Variants in CDKL4 observed in about 807,000 individuals in gnomAD.
CDKL4 encodes the protein cyclin-dependent kinase-like 4.
Under a neutral mutation model 42.0 loss-of-function variants are expected in CDKL4, and 44 were observed. The observed-to-expected ratio is 1.05, with a 90% confidence interval of 0.82 to 1.35. The LOEUF (loss-of-function observed/expected upper bound fraction) is 1.35, where lower values mean the gene tolerates loss of function less well. Ranked by LOEUF, CDKL4 falls within the 40% of genes most tolerant of loss-of-function variation. The pLI, the probability that CDKL4 is intolerant of heterozygous loss-of-function variation, is 0.00. For missense variants in CDKL4, 393 were observed against 369.9 expected (o/e 1.06, Z -0.51); for synonymous variants, 120 against 121.6 (o/e 0.99, Z 0.09).
intron 5 of CDKL4, among the ~76,000 whole-genome samples, chr2:39,204,186 G>A (rs1481387156): frequency 6.6e-6 from 1 of 152,220 alleles, no homozygotes; most frequent in East Asian, 1.9e-4. Context: ...CCAGGGAACC[G>A]TCTGCACCTT....
At chr2:39,210,115 G>A (rs759742568) in intron 4 of CDKL4, among the ~76,000 whole-genome samples, 43 of 152,050 alleles carry the variant, frequency 2.8e-4, no homozygotes, top group Non-Finnish European at 3.1e-4. Flanking sequence ...AGCCTGCTGA[G>A]TAGTAGCTGG....
Position 39,187,713 on chromosome 2 carries a change from T to C in CDKL4, c.653-4A>G, listed in dbSNP as rs1675910552. 2.5e-6 allele frequency: 4 copies of C among 1,595,518 alleles called. No homozygotes were observed. Among genetic ancestry groups the C allele is most frequent in the East Asian group, 4.5e-5 (2 of 44,710 alleles). The stretch of plus-strand genomic sequence containing the variant: ...TGATGTCTTGGGATTAATTTTCCTG[T>C]AAAATACAAACCACATAATTCATCA... On this transcript the variant is annotated splice_region_variant and splice_polypyrimidine_tract_variant and intron_variant, in intron 6 of 9. Coordinates refer to ENST00000451199, the Ensembl canonical transcript of CDKL4.
At chr2:39,192,539 AT>A (rs749845888) in intron 5 of CDKL4, among the ~76,000 whole-genome samples, 40 of 150,212 alleles carry the variant, frequency 2.7e-4, no homozygotes, top group African/African-American at 9.4e-4. Flanking sequence ...TTAAAAAAAA[AT>A]TTTTTTTTTT....
rs76751079 is a variant in CDKL4, at chr2:39,222,042, C to G, written c.290+3797G>C. Among the ~76,000 whole-genome samples the G allele has an allele frequency of 6.5e-3, 990 of 152,290 alleles. 15 individuals are homozygous for G. Among genetic ancestry groups the G allele is most frequent in the African/African-American group, 0.023 (942 of 41,548 alleles). On this transcript the variant is annotated intron_variant, in intron 3 of 9. Coordinates refer to ENST00000451199, the Ensembl canonical transcript of CDKL4. ...ATCCTCTGCACCAGTGTAAAATGCT[C>G]CATGAAATATTTTTTGAGCGAAAGA...
At chr2:39,213,097 C>G (rs184758473) in intron 4 of CDKL4, among the ~76,000 whole-genome samples, 7 of 151,664 alleles carry the variant, frequency 4.6e-5, no homozygotes, top group Non-Finnish European at 7.3e-5. Flanking sequence ...TTGGAAAGAG[C>G]CATGAATAAT....
At chr2:39,204,505 A>G (rs1677047178) in intron 5 of CDKL4, 22 bp downstream of exon 5, 5 of 1,347,078 alleles carry the variant, frequency 3.7e-6, no homozygotes, top group Non-Finnish European at 5.3e-6. Flanking sequence ...ACTGGGTATT[A>G]GTAAAAAAAA....
chr2:39,189,250 T>C (rs1234350465), intron 6 of CDKL4, among the ~76,000 whole-genome samples: 1 of 152,226 alleles, frequency 6.6e-6, no homozygotes, highest in Non-Finnish European at 1.5e-5. Flanking sequence ...ATCCATGCTG[T>C]TGGCATGAAG....
intron 8 of CDKL4, among the ~76,000 whole-genome samples, chr2:39,181,282 C>A (rs1292876638): frequency 6.6e-6 from 1 of 152,204 alleles, no homozygotes; most frequent in Non-Finnish European, 1.5e-5. Context: ...AGTTTATCTT[C>A]TTCTCTACTA....
chr2:39,212,615 TA>T (rs1307048420), intron 4 of CDKL4, among the ~76,000 whole-genome samples: 8 of 147,584 alleles, frequency 5.4e-5, no homozygotes, highest in East Asian at 4.0e-4. Context: ...AAATAATAGT[TA>T]AAAAAAAAAG....
chr2:39,205,387 T>C (rs569543081), intron 4 of CDKL4, among the ~76,000 whole-genome samples: 2 of 152,118 alleles, frequency 1.3e-5, no homozygotes, highest in Non-Finnish European at 2.9e-5. Context: ...AACATTTAAA[T>C]GATAACAAAA....
At chr2:39,213,333 C>A in intron 4 of CDKL4, 67 bp downstream of exon 4, 1 of 1,076,986 alleles carries the variant, frequency 9.3e-7, no homozygotes, top group Non-Finnish European at 1.4e-6. Flanking sequence ...AAACAAAACC[C>A]TGAGCTATTT....
downstream of CDKL4, among the ~76,000 whole-genome samples, chr2:39,170,895 GA>G (rs1419003678): frequency 6.6e-6 from 1 of 152,156 alleles, no homozygotes; most frequent in Non-Finnish European, 1.5e-5. Flanking sequence ...AAATGACTAA[GA>G]AAGTGCTAAC....
chr2:39,241,316 G>T (rs148920834), intron 1 of CDKL4, among the ~76,000 whole-genome samples: 132 of 152,214 alleles, frequency 8.7e-4, no homozygotes, highest in African/African-American at 3.0e-3. Context: ...TGAGCAAAAC[G>T]TAAACAGTGA....
At chr2:39,179,042 C>T (rs1675288767) in intron 9 of CDKL4, 145 bp downstream of exon 9, 5 of 1,489,310 alleles carry the variant, frequency 3.4e-6, no homozygotes, top group Middle Eastern at 4.5e-4. Context: ...ACATCAATTA[C>T]CAATATTTAT....
intron 4 of CDKL4, among the ~76,000 whole-genome samples, chr2:39,206,949 G>T (rs1236807975): frequency 6.6e-6 from 1 of 152,136 alleles, no homozygotes; most frequent in Non-Finnish European, 1.5e-5. Flanking sequence ...AATCATTTTA[G>T]GTTGCAGAAA....
chr2:39,237,316 T>C (rs1187043131), intron 1 of CDKL4, among the ~76,000 whole-genome samples: 1 of 152,168 alleles, frequency 6.6e-6, no homozygotes, highest in Admixed American at 6.5e-5. Flanking sequence ...ATGATCACCT[T>C]AGTACACACA....
chr2:39,219,918 G>T (rs1032486032), intron 3 of CDKL4, among the ~76,000 whole-genome samples: 1 of 152,066 alleles, frequency 6.6e-6, no homozygotes, highest in Non-Finnish European at 1.5e-5. Flanking sequence ...TTAATATCTT[G>T]GTTCAAGGCA....
intron 1 of CDKL4, among the ~76,000 whole-genome samples, chr2:39,234,630 A>G (rs1679268045): frequency 1.3e-5 from 2 of 152,218 alleles, no homozygotes; most frequent in African/African-American, 4.8e-5. Context: ...TAGTTGGGAA[A>G]ACTGACCCAG....
At chr2:39,213,513 T>C in intron 3 of CDKL4, 41 bp from the exon 4 acceptor site, 1 of 1,392,430 alleles carries the variant, frequency 7.2e-7, no homozygotes. Context: ...ACTCATAGGA[T>C]AGAGTTCCAG....
Sources: allele counts gnomAD v4.1 joint callset (sites outside exome capture counted in the v4.1 genomes callset), GRCh38; gene constraint gnomAD v4.1.1; transcripts MANE v1.5; gene names NCBI Gene and HGNC (gene_info 2026-07-23, HGNC 2026-07-21).